The following DNAAF9 variants were observed in gnomAD, a reference collection of about 807,000 sequenced individuals.
DNAAF9 encodes the protein shulin.
DNAAF9 carries 90 observed loss-of-function variants against 167.0 expected under a neutral mutation model. The ratio of observed to expected loss-of-function variants is 0.54; its 90% confidence interval spans 0.45 to 0.64. DNAAF9 has a LOEUF of 0.64. Ranked by LOEUF, DNAAF9 falls within the 30% of genes least tolerant of loss-of-function variation. The pLI is 0.00. For synonymous variants in DNAAF9, 491 were observed against 508.8 expected (o/e 0.96, Z 0.47); for missense variants, 1,315 against 1,442.2 (o/e 0.91, Z 1.43).
Position 3,287,622 on chromosome 20 carries a change from C to T in DNAAF9, c.2486+10G>A, listed in dbSNP as rs1339158552. ...GATTCGACTGTTTCCAGGAGACTTC[C>T]AATGCTCACCCTTGTAACACCACCA... On this transcript the variant is annotated intron_variant, in intron 27 of 36. Transcript: ENST00000252032. 8.1e-6 allele frequency: 13 copies of T among 1,613,786 alleles called. No individual in the cohort carries two copies. The highest frequency in any genetic ancestry group is 1.1e-5 in the Non-Finnish European group (13 of 1,179,814).
chr20:3,305,308 C>A (rs1330492211), intron 20 of DNAAF9, among the ~76,000 whole-genome samples: 2 of 152,212 alleles, frequency 1.3e-5, no homozygotes, highest in African/African-American at 4.8e-5. Flanking sequence ...GCACCCAAAG[C>A]ACCCATAAGA....
intron 4 of DNAAF9, 65 bp downstream of exon 4, chr20:3,376,113 C>A: frequency 7.0e-7 from 1 of 1,427,418 alleles, no homozygotes; most frequent in African/African-American, 1.4e-5. Context: ...TATTTCAGAT[C>A]AACACTTTCC....
At chr20:3,383,801 CT>C (rs11464653) in intron 1 of DNAAF9, among the ~76,000 whole-genome samples, 103 of 141,132 alleles carry the variant, frequency 7.3e-4, no homozygotes, top group Admixed American at 8.6e-4. Context: ...CCACTGGATT[CT>C]TTTTTTTTTT....
rs1244331868 is a variant in DNAAF9, at chr20:3,383,756, C to T, written c.84-1250G>A. Among the ~76,000 whole-genome samples, 3 of 151,948 alleles carry T rather than the reference C, an allele frequency of 2.0e-5. No individual in the cohort carries two copies. In the East Asian group the frequency reaches 5.8e-4, roughly 29 times the overall value. ...AAACTGTATTTACAGCCAAACTACA[C>T]TATTTCTCTTCACTAATTCCTGAAT... On this transcript the variant is annotated intron_variant, in intron 1 of 36. Transcript: ENST00000252032.
intron 10 of DNAAF9, among the ~76,000 whole-genome samples, chr20:3,333,199 G>A (rs921654334): frequency 2.0e-5 from 3 of 152,188 alleles, no homozygotes; most frequent in South Asian, 2.1e-4. Context: ...TAGACCCTGC[G>A]GAAGAGAAAA....
chr20:3,270,341 G>A, intron 30 of DNAAF9, 86 bp downstream of exon 30: 1 of 1,297,834 alleles, frequency 7.7e-7, no homozygotes, highest in South Asian at 1.2e-5. Context: ...TTAGGTCTTA[G>A]ATACAGTAGA....
intron 22 of DNAAF9, 28 bp downstream of exon 22, chr20:3,298,001 A>G (rs1481099597): frequency 6.3e-7 from 1 of 1,579,230 alleles, no homozygotes; most frequent in Admixed American, 1.7e-5. Flanking sequence ...AAGTAGTAGT[A>G]GTTTTGCTGA....
chr20:3,388,690 A>G (rs2083784220), intron 1 of DNAAF9, among the ~76,000 whole-genome samples: 1 of 152,238 alleles, frequency 6.6e-6, no homozygotes, highest in Admixed American at 6.5e-5. Flanking sequence ...CAGCCATAAA[A>G]GTACAAATTC....
intron 3 of DNAAF9, among the ~76,000 whole-genome samples, chr20:3,377,235 T>G (rs935441172): frequency 3.6e-4 from 55 of 152,258 alleles, no homozygotes; most frequent in African/African-American, 1.3e-3. Flanking sequence ...AGGTACCAGA[T>G]TCTTAGTTGA....
Position 3,249,512 on chromosome 20 carries a change from T to C in DNAAF9, c.*3060A>G, listed in dbSNP as rs77943781. On this transcript the variant is annotated 3_prime_UTR_variant, in exon 37 of 37. Transcript: ENST00000252032. ...CAATTCAGTTTCACTGAAGTTACAG[T>C]AGTGTTTGTAAATACGAGTTTTAAA... 26 of 152,378 alleles carry C rather than the reference T, an allele frequency of 1.7e-4. No individual in the cohort carries two copies. The East Asian group carries it at 4.6e-3, about 27-fold the overall frequency. The allele number at this position is 152,378 out of a possible 1,614,324, so 9.4% of individuals were successfully genotyped here.
chr20:3,346,271 T>C (rs1225991495), intron 8 of DNAAF9, among the ~76,000 whole-genome samples: 3 of 152,130 alleles, frequency 2.0e-5, no homozygotes, highest in Non-Finnish European at 2.9e-5. Context: ...CAACATGACA[T>C]ATGCACTCAC....
At chr20:3,292,318 TACA>T (rs1433379457) in intron 25 of DNAAF9, among the ~76,000 whole-genome samples, 6 of 152,154 alleles carry the variant, frequency 3.9e-5, no homozygotes, top group Non-Finnish European at 8.8e-5. Flanking sequence ...TTTAATAAAA[TACA>T]ACAAGTAGGT....
chr20:3,373,087 G>A (rs374037637), intron 6 of DNAAF9, among the ~76,000 whole-genome samples: 96 of 152,280 alleles, frequency 6.3e-4, no homozygotes, highest in African/African-American at 2.3e-3. Context: ...AGAATACTGT[G>A]ATTTTGCAAA....
chr20:3,346,889 A>C (rs1175678176), intron 8 of DNAAF9, among the ~76,000 whole-genome samples: 1 of 152,202 alleles, frequency 6.6e-6, no homozygotes, highest in Non-Finnish European at 1.5e-5. Context: ...AAGTGGTCTA[A>C]TGTAGAAGCA....
intron 1 of DNAAF9, among the ~76,000 whole-genome samples, chr20:3,393,474 T>C (rs2083856532): frequency 6.6e-6 from 1 of 152,100 alleles, no homozygotes; most frequent in African/African-American, 2.4e-5. Flanking sequence ...ATTGAGCCAC[T>C]GCACTCCAGC....
At chr20:3,329,300 T>G (rs1191760928) in intron 12 of DNAAF9, among the ~76,000 whole-genome samples, 1 of 152,178 alleles carries the variant, frequency 6.6e-6, no homozygotes, top group African/African-American at 2.4e-5. Flanking sequence ...CCCAAGTAGC[T>G]GGGAATACAG....
At chr20:3,338,126 C>A (rs1568613747) in intron 10 of DNAAF9, among the ~76,000 whole-genome samples, 1 of 150,714 alleles carries the variant, frequency 6.6e-6, no homozygotes, top group Non-Finnish European at 1.5e-5. Flanking sequence ...ATAAAGAACA[C>A]TTAACATTTC....
In DNAAF9 at chr20:3,259,513, T is replaced by A. The variant is rs2068342587; in HGVS notation, c.3022A>T (p.Ile1008Phe). Reference sequence around the variant, plus strand: ...TTCACTTTGCCCAGGATGTGGTAGATGTTTCCGGAGAAGGGACTTGGCTTG... The same window carrying A: ...TTCACTTTGCCCAGGATGTGGTAGAAGTTTCCGGAGAAGGGACTTGGCTTG... ...SIKPSPFSGN[I>F]YHILGKVKFS... The change falls in exon 33 of 37, where the codon ATC (isoleucine) becomes TTC (phenylalanine). Residue 1008 changes from isoleucine (I) to phenylalanine (F), a missense_variant. Physicochemically the swap from Ile to Phe is conservative, Grantham distance 21 (BLOSUM62 0). Coordinates refer to ENST00000252032, the MANE Select transcript of DNAAF9 (RefSeq NM_001009984.3). 1 of 1,612,516 alleles carries A rather than the reference T, an allele frequency of 6.2e-7. No individual in the cohort carries two copies. Among genetic ancestry groups the A allele is most frequent in the Non-Finnish European group, 8.5e-7 (1 of 1,178,750 alleles).
intron 20 of DNAAF9, among the ~76,000 whole-genome samples, chr20:3,313,909 C>A (rs2069456929): frequency 6.6e-6 from 1 of 152,172 alleles, no homozygotes; most frequent in Non-Finnish European, 1.5e-5. Context: ...CGAGGCAGAG[C>A]TGAGAGCCAG....
Sources: allele counts gnomAD v4.1 joint callset (sites outside exome capture counted in the v4.1 genomes callset), GRCh38; gene constraint gnomAD v4.1.1; transcripts MANE v1.5; gene names NCBI Gene and HGNC (gene_info 2026-07-23, HGNC 2026-07-21).